The following THAP12 variants were observed in gnomAD, a reference collection of about 807,000 sequenced individuals.
The protein encoded by THAP12 is 52 kDa repressor of the inhibitor of the protein kinase.
Under a neutral mutation model 63.0 loss-of-function variants are expected in THAP12, and 20 were observed. That is an observed-to-expected ratio of 0.32 (90% CI 0.22 to 0.46). The LOEUF is 0.46. THAP12 is among the 20% of genes least tolerant of loss of function. The pLI, the probability that THAP12 is intolerant of heterozygous loss-of-function variation, is 1.00. For synonymous variants in THAP12, 264 were observed against 328.4 expected (o/e 0.80, Z 2.12); for missense variants, 568 against 908.2 (o/e 0.63, Z 4.81).
intron 1 of THAP12, among the ~76,000 whole-genome samples, chr11:76,380,156 C>T (rs1295500381): frequency 1.3e-5 from 2 of 152,216 alleles, no homozygotes; most frequent in African/African-American, 4.8e-5. Context: ...TTTCCACGCC[C>T]TCACGCGTAC....
chr11:76,374,555 T>C (rs1036203101), intron 1 of THAP12, among the ~76,000 whole-genome samples: 1 of 152,188 alleles, frequency 6.6e-6, no homozygotes, highest in Admixed American at 6.5e-5. Flanking sequence ...GCTTGTTTAT[T>C]TCTGAGAAAA....
At chr11:76,354,253 A>T (rs1205684363) in intron 4 of THAP12, among the ~76,000 whole-genome samples, 1 of 152,136 alleles carries the variant, frequency 6.6e-6, no homozygotes, top group East Asian at 1.9e-4. Context: ...AAATGCAGGG[A>T]GCATCCTTCC....
chr11:76,367,765 T>C (rs962620357), intron 1 of THAP12, among the ~76,000 whole-genome samples: 2 of 152,182 alleles, frequency 1.3e-5, no homozygotes, highest in East Asian at 1.9e-4. Flanking sequence ...TTTTTTTTTA[T>C]GTTTTAACAC....
chr11:76,365,437 T>G (rs1389475483), intron 2 of THAP12, among the ~76,000 whole-genome samples: 1 of 151,900 alleles, frequency 6.6e-6, no homozygotes. Flanking sequence ...CAGAGTGGAG[T>G]GTAGTGGCAT....
chr11:76,363,416 C>T (rs1302555222), intron 2 of THAP12, among the ~76,000 whole-genome samples: 1 of 151,982 alleles, frequency 6.6e-6, no homozygotes, highest in Non-Finnish European at 1.5e-5. Context: ...ACCATGTTGC[C>T]CAGGCTGGCT....
Position 76,352,542 on chromosome 11 carries a change from G to A in THAP12, c.608C>T (p.Ala203Val). Reference protein sequence around the residue: ...EGLFTPDNFQALLECRINSGE... With the variant: ...EGLFTPDNFQVLLECRINSGE... ...AGAATTTATCCGACACTCCAGCAGT[G>A]CCTGAAAGTTATCTGGAGTAAAGAG... is the stretch of plus-strand genomic sequence containing the variant. Residue 203 changes from alanine (A) to valine (V), a missense_variant, in exon 5 of 5, where the codon GCA (alanine) becomes GTA (valine). Ala to Val is a moderately conservative substitution (Grantham distance 64, BLOSUM62 0). Coordinates refer to ENST00000260045, the MANE Select transcript of THAP12 (RefSeq NM_004705.4). The A allele has an allele frequency of 1.2e-6, 2 of 1,612,046 alleles. No homozygotes were observed. The highest frequency in any genetic ancestry group is 1.7e-6 in the Non-Finnish European group (2 of 1,179,860).
At chr11:76,370,948 G>A (rs1001426876) in intron 1 of THAP12, among the ~76,000 whole-genome samples, 4 of 150,224 alleles carry the variant, frequency 2.7e-5, no homozygotes, top group Non-Finnish European at 2.9e-5. Context: ...TTACATACTC[G>A]TCTCAAATTT....
rs557438874 is a variant in THAP12, at chr11:76,372,739, A to C, written c.90-6767T>G. On this transcript the variant is annotated intron_variant, in intron 1 of 4. Coordinates refer to ENST00000260045, the MANE Select transcript of THAP12 (RefSeq NM_004705.4). ...TGTCTCTATAAAAAATTAAAAAATTAGTCAAGTGTGGTGGCGTGCGCCTAT... is the reference window on the plus strand; with the variant it reads ...TGTCTCTATAAAAAATTAAAAAATTCGTCAAGTGTGGTGGCGTGCGCCTAT... Among the ~76,000 whole-genome samples the C allele has an allele frequency of 9.2e-5, 14 of 152,276 alleles. No homozygotes were observed. The South Asian group carries it at 2.9e-3, about 32-fold the overall frequency.
At chr11:76,366,033 A>T (rs1565234080) in intron 1 of THAP12, 61 bp from the exon 2 acceptor site, 1 of 1,563,326 alleles carries the variant, frequency 6.4e-7, no homozygotes. Flanking sequence ...TTCAGCCTTC[A>T]GTTTTAAGGC....
Position 76,350,877 on chromosome 11 carries a change from A to G in THAP12, c.2273T>C (p.Val758Ala). 1.3e-6 allele frequency: 2 copies of G among 1,530,382 alleles called. No homozygotes were observed. Among genetic ancestry groups the G allele is most frequent in the Non-Finnish European group, 1.7e-6 (2 of 1,143,524 alleles). 94.8% of individuals were successfully genotyped at this position (1,530,382 alleles called of 1,614,324 possible). A position where few individuals can be genotyped will look rare whatever the true frequency, so the allele number is the denominator to read the frequency against. ...SELPTDNSETVENT is the reference protein window; with the variant it reads ...SELPTDNSETAENT Reference sequence around the variant, plus strand: ...TTTAAAAGTCTCTTAGGTATTTTCCACAGTTTCGGAATTATCTGTAGGAAG... The same window carrying G: ...TTTAAAAGTCTCTTAGGTATTTTCCGCAGTTTCGGAATTATCTGTAGGAAG... Residue 758 changes from valine (V) to alanine (A), a missense_variant, in exon 5 of 5, where the codon GTG becomes GCG. Transcript: ENST00000260045.
chr11:76,380,670 A>G, intron 1 of THAP12, 78 bp downstream of exon 1: 2 of 1,129,714 alleles, frequency 1.8e-6, no homozygotes, highest in Admixed American at 4.4e-5. Flanking sequence ...CCAGCCCGGG[A>G]GCCCGCCAGG....
At position 76,351,583 on chromosome 11, in the gene THAP12, C is replaced by T. The variant is rs1203787085; in HGVS notation, c.1567G>A (p.Glu523Lys). 6.3e-7 allele frequency: 1 copy of T among 1,585,910 alleles called. No homozygotes were observed. The highest frequency in any genetic ancestry group is 1.1e-5 in the South Asian group (1 of 88,066). Residue 523 changes from glutamate (E) to lysine (K), a missense_variant, in exon 5 of 5, where the codon GAA becomes AAA. Coordinates refer to ENST00000260045, the MANE Select transcript of THAP12 (RefSeq NM_004705.4). ...TAAACTTCAATATTTTCCATCACTT[C>T]GTTGAGTGAATGCAGTACTGCAGTC... ...SLTAVLHSLN[E>K]VMENIEVYHE...
intron 1 of THAP12, among the ~76,000 whole-genome samples, chr11:76,372,524 C>T (rs570006709): frequency 3.3e-5 from 5 of 151,712 alleles, no homozygotes; most frequent in African/African-American, 1.2e-4. Flanking sequence ...ATCCTCCTGC[C>T]TCAGCCTCTC....
chr11:76,373,517 G>C (rs1946688521), intron 1 of THAP12, among the ~76,000 whole-genome samples: 2 of 146,482 alleles, frequency 1.4e-5, no homozygotes, highest in South Asian at 4.4e-4. Context: ...AGGAGTCCAA[G>C]ACCAGCCTGG....
intron 3 of THAP12, chr11:76,357,515 A>T (rs1946569608): frequency 1.3e-5 from 2 of 152,190 alleles, no homozygotes; most frequent in East Asian, 1.9e-4. Context: ...AGCAAATTTT[A>T]AAATGTCAAA....
At chr11:76,366,546 C>T (rs987906459) in intron 1 of THAP12, among the ~76,000 whole-genome samples, 1 of 151,996 alleles carries the variant, frequency 6.6e-6, no homozygotes, top group Non-Finnish European at 1.5e-5. Flanking sequence ...CTGGGCGAAG[C>T]GGCGAGCGCC....
intron 1 of THAP12, 33 bp downstream of exon 1, chr11:76,380,715 G>A: frequency 7.3e-7 from 1 of 1,375,644 alleles, no homozygotes. Flanking sequence ...GCGAAGGTGG[G>A]CCCGGGCCGC....
At chr11:76,376,197 C>T (rs1460816035) in intron 1 of THAP12, among the ~76,000 whole-genome samples, 1 of 152,184 alleles carries the variant, frequency 6.6e-6, no homozygotes, top group African/African-American at 2.4e-5. Context: ...GTTAAATTAG[C>T]AAATTCTGTT....
chr11:76,363,369 C>CTT (rs879426082), intron 2 of THAP12, among the ~76,000 whole-genome samples: 1 of 145,296 alleles, frequency 6.9e-6, no homozygotes, highest in Non-Finnish European at 1.5e-5. Flanking sequence ...CTGATGAAAT[C>CTT]TTTTTTTTTT....
Sources: allele counts gnomAD v4.1 joint callset (sites outside exome capture counted in the v4.1 genomes callset), GRCh38; gene constraint gnomAD v4.1.1; transcripts MANE v1.5; gene names NCBI Gene and HGNC (gene_info 2026-07-23, HGNC 2026-07-21).